RBM33: variants seen among roughly 807,000 people sequenced by gnomAD.
The protein encoded by RBM33 is RNA binding motif protein 33.
RBM33 carries 28 observed loss-of-function variants against 132.6 expected under a neutral mutation model. The ratio of observed to expected loss-of-function variants is 0.21; its 90% CI spans 0.16 to 0.29. The LOEUF (loss-of-function observed/expected upper bound fraction) is 0.29, where lower values mean the gene tolerates loss of function less well. Ranked by LOEUF, RBM33 falls within the 10% of genes least tolerant of loss-of-function variation. The probability of loss-of-function intolerance (pLI) is 1.00; values close to 1 mark genes in which losing one functional copy is unlikely to be tolerated. For synonymous variants in RBM33, 634 were observed against 593.0 expected (o/e 1.07, Z -1.01); for missense variants, 1,291 against 1,518.5 (o/e 0.85, Z 2.49).
At chr7:155,743,151 A>G (rs772463043) in intron 13 of RBM33, among the ~76,000 whole-genome samples, 5 of 152,260 alleles carry the variant, frequency 3.3e-5, no homozygotes, top group Admixed American at 2.0e-4. Flanking sequence ...ATTAACATAC[A>G]ATGAACTCTT....
chr7:155,711,421 G>T lies in RBM33; in HGVS notation c.1167G>T (p.Pro389=). Residue 389 remains proline (P), a synonymous_variant, in exon 8 of 18, where the codon CCG becomes CCT. Transcript: ENST00000401878. Reference sequence around the variant, plus strand: ...AGCCCAAGAACATACACATCAACCCGCACTTCAAAGGGACGGTGGTCACGC... The same window carrying T: ...AGCCCAAGAACATACACATCAACCCTCACTTCAAAGGGACGGTGGTCACGC... The part of the protein sequence containing the change: ...PQQPKNIHIN[P]HFKGTVVTPV... 6.6e-7 allele frequency: 1 copy of T among 1,514,022 alleles called. No homozygotes were observed. The highest frequency in any genetic ancestry group is 8.9e-7 in the Non-Finnish European group (1 of 1,129,600). 93.8% of individuals were successfully genotyped at this position (1,514,022 alleles called of 1,614,324 possible). A position where few individuals can be genotyped will look rare whatever the true frequency, so the allele number is the denominator to read the frequency against.
intron 3 of RBM33, among the ~76,000 whole-genome samples, chr7:155,673,774 A>ACACACACACGCG (rs1799069075): frequency 7.6e-6 from 1 of 132,062 alleles, no homozygotes; most frequent in South Asian, 2.4e-4. Context: ...GCGCGCACAC[A>ACACACACACGCG]CACACACACA....
chr7:155,686,543 A>G (rs760319406), intron 5 of RBM33, among the ~76,000 whole-genome samples: 1 of 151,652 alleles, frequency 6.6e-6, no homozygotes, highest in Non-Finnish European at 1.5e-5. Flanking sequence ...GGTTTGTTAC[A>G]TATGTATACA....
In RBM33 at chr7:155,779,709, C is replaced by T. The variant is rs577680075; in HGVS notation, c.*4668C>T. ...GCTGGTAGCATATGGCTGGAAAAGG[C>T]CGTTTGCCTCACACATTGTAACCTG... On this transcript the variant is annotated 3_prime_UTR_variant, in exon 18 of 18. Coordinates refer to ENST00000401878, the MANE Select transcript of RBM33 (RefSeq NM_053043.3). The T allele has an allele frequency of 2.0e-5, 3 of 152,296 alleles. No homozygotes were observed. The South Asian group carries it at 6.2e-4, about 32-fold the overall frequency. 9.4% of individuals were successfully genotyped at this position (152,296 alleles called of 1,614,324 possible).
intron 14 of RBM33, among the ~76,000 whole-genome samples, chr7:155,748,132 A>C (rs902757963): frequency 1.3e-5 from 2 of 152,238 alleles, no homozygotes; most frequent in Non-Finnish European, 2.9e-5. Context: ...TGACTTGTGC[A>C]TGGCACCCAT....
chr7:155,672,452 CTT>C (rs1798968353), intron 2 of RBM33, among the ~76,000 whole-genome samples: 3 of 152,170 alleles, frequency 2.0e-5, no homozygotes, highest in Admixed American at 2.0e-4. Context: ...GCATAGCAAA[CTT>C]AATGTAAAAG....
Position 155,763,777 on chromosome 7 carries a change from C to T in RBM33, c.2980-35C>T, listed in dbSNP as rs373585465. The T allele has an allele frequency of 8.2e-6, 13 of 1,578,234 alleles. No homozygotes were observed. The African/African-American group carries it at 1.6e-4, about 20-fold the overall frequency. Reference sequence around the variant, plus strand: ...GGGGAGGAGCTTTTGGTGGAGCAGACACTGAACAACGTGCTGCCTTCTTGG... The same window carrying T: ...GGGGAGGAGCTTTTGGTGGAGCAGATACTGAACAACGTGCTGCCTTCTTGG... On this transcript the variant is annotated intron_variant, in intron 14 of 17. Coordinates refer to ENST00000401878, the MANE Select transcript of RBM33 (RefSeq NM_053043.3).
Position 155,775,327 on chromosome 7 carries a change from T to C in RBM33, c.*286T>C. ...GTTTTCAAAGTGCTTACAATGCATG[T>C]AGACATTGTTCTTTGTGGTCTGACT... On this transcript the variant is annotated 3_prime_UTR_variant, in exon 18 of 18. Transcript: ENST00000401878. 1 of 558,342 alleles carries C rather than the reference T, an allele frequency of 1.8e-6. No individual in the cohort carries two copies. Among genetic ancestry groups the C allele is most frequent in the Non-Finnish European group, 3.2e-6 (1 of 307,880 alleles). 34.6% of individuals were successfully genotyped at this position (558,342 alleles called of 1,614,324 possible). A position where few individuals can be genotyped will look rare whatever the true frequency, so the allele number is the denominator to read the frequency against.
At chr7:155,740,605 A>G (rs1801299754) in intron 12 of RBM33, among the ~76,000 whole-genome samples, 1 of 152,256 alleles carries the variant, frequency 6.6e-6, no homozygotes, top group Non-Finnish European at 1.5e-5. Flanking sequence ...CCATCAGCAA[A>G]TGTGTGACTT....
intron 8 of RBM33, among the ~76,000 whole-genome samples, chr7:155,711,693 C>T (rs1800304907): frequency 6.6e-6 from 1 of 152,150 alleles, no homozygotes; most frequent in Non-Finnish European, 1.5e-5. Context: ...ATGATTTTGC[C>T]AACTGTGCAA....
rs115834869 is a variant in RBM33, at chr7:155,692,535, C to T, written c.568-8238C>T. On this transcript the variant is annotated intron_variant, in intron 5 of 17. Coordinates refer to ENST00000401878, the MANE Select transcript of RBM33 (RefSeq NM_053043.3). ...CAGAGAAGTCCTTCCTGTAACACAA[C>T]CTCCTATGTGTGCAGGGTCACCTGG... 7.0e-3 allele frequency among the ~76,000 whole-genome samples: 1,061 copies of T among 152,318 alleles called. 18 individuals are homozygous for T. Among genetic ancestry groups the T allele is most frequent in the African/African-American group, 0.024 (994 of 41,556 alleles).
chr7:155,721,647 T>A (rs967947948), intron 9 of RBM33, among the ~76,000 whole-genome samples: 1 of 141,454 alleles, frequency 7.1e-6, no homozygotes, highest in Non-Finnish European at 1.5e-5. Flanking sequence ...GAAATTTTGC[T>A]GAGTTATAAT....
chr7:155,742,200 C>A, intron 13 of RBM33, 94 bp downstream of exon 13: 11 of 1,153,458 alleles, frequency 9.5e-6, no homozygotes, highest in East Asian at 5.3e-5. Flanking sequence ...AAGTTATTCA[C>A]AAAATCTTCC....
chr7:155,750,621 T>C (rs763566762), intron 14 of RBM33, among the ~76,000 whole-genome samples: 7 of 152,208 alleles, frequency 4.6e-5, no homozygotes, highest in Non-Finnish European at 1.0e-4. Flanking sequence ...CCCAGGATCC[T>C]TGTAAGGATT....
In RBM33 at chr7:155,700,911, A is replaced by T; in HGVS notation, c.706A>T (p.Thr236Ser). 1 of 1,613,172 alleles carries T rather than the reference A, an allele frequency of 6.2e-7. No individual in the cohort carries two copies. The highest frequency in any genetic ancestry group is 8.5e-7 in the Non-Finnish European group (1 of 1,179,602). ...EGTIIRLSDV[T>S]RERRNIPETL... Reference sequence around the variant, plus strand: ...AACAATTATTAGGCTCTCAGATGTAACTAGAGAGAGAAGGAACATTCCAGA... The same window carrying T: ...AACAATTATTAGGCTCTCAGATGTATCTAGAGAGAGAAGGAACATTCCAGA... Residue 236 changes from threonine (T) to serine (S), a missense_variant, in exon 6 of 18, where the codon ACT (threonine) becomes TCT (serine). By Grantham distance (58) the Thr-to-Ser change is moderately conservative. Around this residue, in one of 7 missense-constraint regions of RBM33, gnomAD observed 11 missense variants for 39.4 expected, o/e 0.28. Coordinates refer to ENST00000401878, the MANE Select transcript of RBM33 (RefSeq NM_053043.3).
chr7:155,650,831 T>C (rs553649768), intron 1 of RBM33, among the ~76,000 whole-genome samples: 3 of 152,350 alleles, frequency 2.0e-5, no homozygotes, highest in Non-Finnish European at 2.9e-5. Context: ...GATTTCCACA[T>C]TGATATAGAG....
chr7:155,737,938 A>AAAC, intron 10 of RBM33, 122 bp from the exon 11 acceptor site: 4 of 941,196 alleles, frequency 4.2e-6, no homozygotes, highest in Non-Finnish European at 6.4e-6. Flanking sequence ...AATTGTTTCC[A>AAAC]ACATTCATAA....
chr7:155,766,649 C>A lies in RBM33; in HGVS notation c.3369C>A (p.Pro1123=). ...QLKSLLMSVG[P]IQSLQMLPQQ... is the part of the protein sequence containing the mutation. ...AGAGCCTGCTGATGTCAGTGGGACC[C>A]ATTCAGGTAGCCGCCTGGGGGTGGC... The change falls in exon 16 of 18, where the codon CCC becomes CCA. Residue 1123 remains proline (P), a synonymous_variant. Transcript: ENST00000401878. 1 of 1,610,208 alleles carries A rather than the reference C, an allele frequency of 6.2e-7. No individual in the cohort carries two copies. Among genetic ancestry groups the A allele is most frequent in the South Asian group, 1.1e-5 (1 of 90,206 alleles).
At chr7:155,741,197 G>A (rs970810315) in intron 12 of RBM33, among the ~76,000 whole-genome samples, 58 of 152,188 alleles carry the variant, frequency 3.8e-4, no homozygotes, top group African/African-American at 1.4e-3. Flanking sequence ...TGACCTGCGG[G>A]ACCTCGGAGA....
Sources: gnomAD v4.1 joint callset for allele counts (sites outside exome capture counted in the v4.1 genomes callset) on GRCh38, gnomAD v4.1.1 for gene constraint, gnomAD v4.1.1 regional missense constraint, MANE v1.5 for transcripts, NCBI Gene and HGNC (gene_info 2026-07-23, HGNC 2026-07-21) for gene names.